PRKAG2: variants seen among roughly 807,000 people sequenced by gnomAD.
PRKAG2 encodes the protein 5'-AMP-activated protein kinase subunit gamma-2.
In PRKAG2, 26 loss-of-function variants were observed where a neutral mutation model predicts 69.6. The observed-to-expected ratio is 0.37, with a 90% CI of 0.27 to 0.52. The LOEUF (loss-of-function observed/expected upper bound fraction) is 0.52, where lower values mean the gene tolerates loss of function less well. Ranked by LOEUF, PRKAG2 falls within the 20% of genes least tolerant of loss-of-function variation. The pLI, the probability that PRKAG2 is intolerant of heterozygous loss-of-function variation, is 0.90. For synonymous variants in PRKAG2, 293 were observed against 285.0 expected, an observed-to-expected ratio of 1.03 and a Z score of -0.28; for missense variants, 557 against 740.0, an observed-to-expected ratio of 0.75 and a Z score of 2.87.
intron 3 of PRKAG2, among the ~76,000 whole-genome samples, chr7:151,715,460 TCTC>T (rs1241635985): frequency 8.6e-5 from 13 of 151,284 alleles, no homozygotes; most frequent in Admixed American, 8.6e-4. Flanking sequence ...TCTCAGCAAT[TCTC>T]CTGTCTCAGC....
chr7:151,788,071 G>A lies in PRKAG2; in HGVS notation c.115-1530C>T, dbSNP rs1007012047. On this transcript the variant is annotated intron_variant, in intron 1 of 15. Coordinates refer to ENST00000287878, the MANE Select transcript of PRKAG2 (RefSeq NM_016203.4). This position sits in a 1 kb window ranked among gnomAD's most constrained non-coding sequence, Gnocchi z 4.6. Reference sequence around the variant, plus strand: ...TAGCAAACCAATATAATAGGTGTACGAATATCTCTTCAGGACCCTGCTTTC... The same window carrying A: ...TAGCAAACCAATATAATAGGTGTACAAATATCTCTTCAGGACCCTGCTTTC... Among the ~76,000 whole-genome samples, 18 of 152,190 alleles carry A rather than the reference G, an allele frequency of 1.2e-4. No individual in the cohort carries two copies. The highest frequency in any genetic ancestry group is 1.9e-4 in the Non-Finnish European group (13 of 68,036).
intron 3 of PRKAG2, among the ~76,000 whole-genome samples, chr7:151,716,819 C>T (rs571676992): frequency 1.3e-5 from 2 of 152,354 alleles, no homozygotes; most frequent in African/African-American, 2.4e-5. Context: ...GCTGCTCCAG[C>T]CCCCAAGCCC....
intron 5 of PRKAG2, among the ~76,000 whole-genome samples, chr7:151,597,221 C>T (rs1465367893): frequency 1.3e-5 from 2 of 152,192 alleles, no homozygotes; most frequent in African/African-American, 2.4e-5. Context: ...TAGATATCCA[C>T]ATGCAGAAAA....
rs147784957 is a variant in PRKAG2 at position 151,833,154 on chromosome 7, G to A, written c.114+43353C>T. Among the ~76,000 whole-genome samples the A allele has an allele frequency of 3.1e-3, 478 of 152,352 alleles. 4 individuals carry two copies. Among genetic ancestry groups the A allele is most frequent in the African/African-American group, 0.011 (463 of 41,580 alleles). ...GGTAAGAACTGTAAGAGAATCAGGT[G>A]TGATCAGTGCAACAGAGAGCGCGTG... is the stretch of plus-strand genomic sequence containing the variant. On this transcript the variant is annotated intron_variant, in intron 1 of 15. Transcript: ENST00000287878.
chr7:151,595,909 C>T (rs1202885080), intron 5 of PRKAG2, among the ~76,000 whole-genome samples: 1 of 152,138 alleles, frequency 6.6e-6, no homozygotes, highest in Non-Finnish European at 1.5e-5. Context: ...TTGGCTCACA[C>T]CTGTAATCCC....
intron 1 of PRKAG2, among the ~76,000 whole-genome samples, chr7:151,818,392 C>A (rs2151861581): frequency 6.6e-6 from 1 of 152,154 alleles, no homozygotes; most frequent in African/African-American, 2.4e-5. Flanking sequence ...CCCATGCCGC[C>A]CTCAGCCCTT....
rs1395179566 is a variant in PRKAG2, at chr7:151,777,354, G to A, written c.466+3798C>T. On this transcript the variant is annotated intron_variant, in intron 3 of 15. Transcript: ENST00000287878. This position sits in a 1 kb window ranked among gnomAD's most constrained non-coding sequence, Gnocchi z 4.3. ...GATCCACCTCTGATAGAGGTTGAGT[G>A]TTTCTTCCCCGCTCTCAGGTTGAAA... is the stretch of plus-strand genomic sequence containing the variant. 6.6e-6 allele frequency among the ~76,000 whole-genome samples: 1 copy of A among 152,196 alleles called. No homozygotes were observed.
At chr7:151,745,736 A>G (rs963065399) in intron 3 of PRKAG2, among the ~76,000 whole-genome samples, 10 of 152,208 alleles carry the variant, frequency 6.6e-5, no homozygotes, top group African/African-American at 2.2e-4. Flanking sequence ...AGCAATAATT[A>G]TTTTTAGCAT....
chr7:151,587,958 A>T (rs1169715056), intron 6 of PRKAG2, among the ~76,000 whole-genome samples: 1 of 152,216 alleles, frequency 6.6e-6, no homozygotes, highest in Non-Finnish European at 1.5e-5. Flanking sequence ...GGGTATATGT[A>T]AATTCTCTGC....
At chr7:151,855,656 A>T (rs1182299086) in intron 1 of PRKAG2, among the ~76,000 whole-genome samples, 1 of 144,152 alleles carries the variant, frequency 6.9e-6, no homozygotes, top group Admixed American at 7.1e-5. Flanking sequence ...ATACCACTGC[A>T]GACACTGGGA....
At chr7:151,557,275 C>G (rs1321685622) in intron 15 of PRKAG2, 43 bp from the exon 16 acceptor site, 4 of 1,613,700 alleles carry the variant, frequency 2.5e-6, no homozygotes, top group Non-Finnish European at 3.4e-6. Context: ...CTCATGGTAA[C>G]AGCAGGGTTC....
intron 1 of PRKAG2, among the ~76,000 whole-genome samples, chr7:151,822,521 G>T (rs998396820): frequency 3.9e-5 from 6 of 152,320 alleles, no homozygotes; most frequent in African/African-American, 1.4e-4. Context: ...CCAGGTCCAG[G>T]GGCTCCCTTG....
intron 4 of PRKAG2, among the ~76,000 whole-genome samples, chr7:151,645,445 CA>C (rs539905426): frequency 1.3e-4 from 20 of 152,158 alleles, no homozygotes; most frequent in Non-Finnish European, 2.8e-4. Context: ...GCAAGCTTCA[CA>C]AAAGAGCCTG....
chr7:151,807,282 G>T lies in PRKAG2; in HGVS notation c.115-20741C>A. 1 of 400,846 alleles carries T rather than the reference G, an allele frequency of 2.5e-6. No homozygotes were observed. The highest frequency in any genetic ancestry group is 7.2e-5 in the East Asian group (1 of 13,844). 24.8% of individuals were successfully genotyped at this position (400,846 alleles called of 1,614,324 possible). On this transcript the variant is annotated intron_variant, in intron 1 of 15. Coordinates refer to ENST00000287878, the MANE Select transcript of PRKAG2 (RefSeq NM_016203.4). The surrounding 1 kb of genome is among the most constrained non-coding windows in gnomAD (Gnocchi z 4.4). ...CCAGTCAGCCACCAGCAGACCCATGGGATAGGGGAAGAAAAACAAGCAATC... is the reference window on the plus strand; with the variant it reads ...CCAGTCAGCCACCAGCAGACCCATGTGATAGGGGAAGAAAAACAAGCAATC...
chr7:151,842,871 A>C (rs2079344634), intron 1 of PRKAG2, among the ~76,000 whole-genome samples: 1 of 151,932 alleles, frequency 6.6e-6, no homozygotes, highest in Non-Finnish European at 1.5e-5. Flanking sequence ...TGATCTTCTC[A>C]ATTCAGGTGG....
chr7:151,585,179 A>G (rs1348328044), intron 6 of PRKAG2, among the ~76,000 whole-genome samples: 1 of 152,234 alleles, frequency 6.6e-6, no homozygotes, highest in Non-Finnish European at 1.5e-5. Context: ...TGATATTAGT[A>G]CCTTCACAAT....
rs181153878 is a variant in PRKAG2 at position 151,678,564 on chromosome 7, C to T, written c.467-2927G>A. ...TGAGTGGAAAGCCCTCTGGAAGCCC[C>T]GGGCTGGCACTTGGGAGGCAGCTCT... is the stretch of plus-strand genomic sequence containing the variant. On this transcript the variant is annotated intron_variant, in intron 3 of 15. Transcript: ENST00000287878. Among the ~76,000 whole-genome samples, 234 of 152,152 alleles carry T rather than the reference C, an allele frequency of 1.5e-3. 1 individual carries two copies. The Middle Eastern group carries it at 0.017, about 11-fold the overall frequency.
chr7:151,645,970 T>C (rs940089398), intron 4 of PRKAG2, among the ~76,000 whole-genome samples: 25 of 152,254 alleles, frequency 1.6e-4, no homozygotes, highest in Admixed American at 3.9e-4. Context: ...TTTTGCTGCC[T>C]CACTGGATTC....
rs112842575 is a variant in PRKAG2 at position 151,604,519 on chromosome 7, C to T, written c.755-9065G>A. Among the ~76,000 whole-genome samples the T allele has an allele frequency of 8.1e-3, 1,230 of 152,078 alleles. 23 individuals are homozygous for T. The highest frequency in any genetic ancestry group is 0.031 in the Middle Eastern group (9 of 294). On this transcript the variant is annotated intron_variant, in intron 5 of 15. Coordinates refer to ENST00000287878, the MANE Select transcript of PRKAG2 (RefSeq NM_016203.4). ...CAGGTGTGGTGGTGCACACCTATGG[C>T]CCCAGCCTACTCAGGAGGCTGAGGT...
Sources: allele counts gnomAD v4.1 joint callset (sites outside exome capture counted in the v4.1 genomes callset), GRCh38; gene constraint gnomAD v4.1.1; non-coding constraint Gnocchi (gnomAD v3.1); transcripts MANE v1.5; gene names NCBI Gene and HGNC (gene_info 2026-07-23, HGNC 2026-07-21).